Variants in ADAMTSL1 observed in about 807,000 individuals in gnomAD.
ADAMTSL1 encodes ADAMTS like 1.
ADAMTSL1 carries 126 observed loss-of-function variants against 201.8 expected under a neutral mutation model. That is an observed-to-expected ratio of 0.62 (90% confidence interval 0.54 to 0.72). The LOEUF (loss-of-function observed/expected upper bound fraction) is 0.72. ADAMTSL1 is among the 30% of genes least tolerant of loss of function. ADAMTSL1 has a pLI of 0.00. For missense variants in ADAMTSL1, 2,679 were observed against 2,277.8 expected, an observed-to-expected ratio of 1.18 and a Z score of -3.59; for synonymous variants, 1,121 against 903.4, an observed-to-expected ratio of 1.24 and a Z score of -4.32.
At chr9:18,308,757 A>G (rs1834004509) in intron 2 of ADAMTSL1, among the ~76,000 whole-genome samples, 1 of 152,194 alleles carries the variant, frequency 6.6e-6, no homozygotes, top group Non-Finnish European at 1.5e-5. Context: ...TACCAGAGGT[A>G]CAAAGAGGAG....
chr9:18,642,895 T>C (rs1259431507), intron 7 of ADAMTSL1, among the ~76,000 whole-genome samples: 1 of 151,972 alleles, frequency 6.6e-6, no homozygotes, highest in African/African-American at 2.4e-5. Context: ...AACACGAGAG[T>C]GTAGATATCT....
At chr9:18,178,161 G>A (rs1274655159) in intron 2 of ADAMTSL1, among the ~76,000 whole-genome samples, 5 of 152,340 alleles carry the variant, frequency 3.3e-5, no homozygotes, top group African/African-American at 1.2e-4. Flanking sequence ...GCAGGTCAGT[G>A]GGTGAGCGCA....
At chr9:18,174,487 G>A (rs962668371) in intron 2 of ADAMTSL1, among the ~76,000 whole-genome samples, 1 of 152,144 alleles carries the variant, frequency 6.6e-6, no homozygotes, top group African/African-American at 2.4e-5. Context: ...AGTCAGATAT[G>A]TGATACCTAA....
intron 2 of ADAMTSL1, among the ~76,000 whole-genome samples, chr9:18,178,179 C>A (rs868169146): frequency 9.9e-5 from 15 of 152,248 alleles, no homozygotes; most frequent in Admixed American, 2.0e-4. Context: ...GCACTGTGCG[C>A]GAGCCGAAGC....
intron 19 of ADAMTSL1, among the ~76,000 whole-genome samples, chr9:18,781,592 C>G (rs1412108997): frequency 1.3e-5 from 2 of 152,156 alleles, no homozygotes; most frequent in Non-Finnish European, 2.9e-5. Flanking sequence ...GGTGACCTTT[C>G]CTGTGTTGGG....
chr9:18,586,426 G>A (rs1438805635), intron 4 of ADAMTSL1, among the ~76,000 whole-genome samples: 5 of 151,846 alleles, frequency 3.3e-5, no homozygotes, highest in Non-Finnish European at 7.4e-5. Flanking sequence ...ACAAACCATT[G>A]CTCAAAAAAA....
At chr9:18,339,904 G>T (rs1474218708) in intron 2 of ADAMTSL1, among the ~76,000 whole-genome samples, 2 of 152,004 alleles carry the variant, frequency 1.3e-5, no homozygotes, top group Admixed American at 6.6e-5. Context: ...CCATATTCAG[G>T]TATCTTCAAA....
At chr9:18,657,149 C>T (rs1332952455) in intron 7 of ADAMTSL1, among the ~76,000 whole-genome samples, 8 of 152,208 alleles carry the variant, frequency 5.3e-5, no homozygotes, top group African/African-American at 1.7e-4. Context: ...ACTAAATGGA[C>T]AAGAAGCCCA....
At chr9:17,929,444 A>T (rs1296805738) in intron 1 of ADAMTSL1, among the ~76,000 whole-genome samples, 3 of 151,994 alleles carry the variant, frequency 2.0e-5, no homozygotes, top group Non-Finnish European at 4.4e-5. Flanking sequence ...CATGCTTCCG[A>T]ATAAGCTGGA....
At position 18,556,403 on chromosome 9, in the gene ADAMTSL1, T is replaced by G. The variant is rs572032674; in HGVS notation, c.238-17627T>G. Among the ~76,000 whole-genome samples, 16 of 152,156 alleles carry G rather than the reference T, an allele frequency of 1.1e-4. 1 individual carries two copies. In the South Asian group the frequency reaches 2.1e-3, roughly 20 times the overall value. On this transcript the variant is annotated intron_variant, in intron 3 of 28. Transcript: ENST00000380548. ...ATTGAGAGTGATTAAGTGGAAAGCT[T>G]TATTAATCATGCAAATCTTACTCTA... is the stretch of plus-strand genomic sequence containing the variant.
intron 2 of ADAMTSL1, among the ~76,000 whole-genome samples, chr9:18,435,711 C>T (rs531307189): frequency 1.3e-5 from 2 of 152,296 alleles, no homozygotes; most frequent in African/African-American, 4.8e-5. Flanking sequence ...CAAGATTGAG[C>T]AGGCCTCACA....
intron 1 of ADAMTSL1, among the ~76,000 whole-genome samples, chr9:17,936,731 A>T (rs201682287): frequency 1.3e-5 from 2 of 152,072 alleles, no homozygotes; most frequent in East Asian, 3.9e-4. Flanking sequence ...CTTGCTGCCA[A>T]ATATCTCCCC....
At chr9:18,594,190 C>A (rs774312879) in intron 4 of ADAMTSL1, among the ~76,000 whole-genome samples, 2 of 152,044 alleles carry the variant, frequency 1.3e-5, no homozygotes, top group African/African-American at 4.8e-5. Flanking sequence ...TATTTTCCCA[C>A]TCCTTCCTGG....
chr9:18,659,499 TCACG>T (rs1319343821), intron 8 of ADAMTSL1, among the ~76,000 whole-genome samples: 7 of 152,372 alleles, frequency 4.6e-5, no homozygotes, highest in African/African-American at 1.4e-4. Flanking sequence ...GTGCAGTGGC[TCACG>T]CCTGTAATCC....
intron 1 of ADAMTSL1, among the ~76,000 whole-genome samples, chr9:17,987,342 C>T (rs1014002482): frequency 6.6e-6 from 1 of 152,052 alleles, no homozygotes; most frequent in Admixed American, 6.6e-5. Flanking sequence ...GGATAGAGAA[C>T]AACAGATGTC....
At chr9:18,531,775 A>G (rs1819460799) in intron 2 of ADAMTSL1, among the ~76,000 whole-genome samples, 1 of 152,158 alleles carries the variant, frequency 6.6e-6, no homozygotes. Flanking sequence ...CAAACACATC[A>G]CAGAAGCTCT....
chr9:18,848,527 C>T (rs868348270), intron 23 of ADAMTSL1, among the ~76,000 whole-genome samples: 2 of 152,156 alleles, frequency 1.3e-5, no homozygotes, highest in Non-Finnish European at 2.9e-5. Flanking sequence ...GGCCTTGAGC[C>T]TCATGTAACT....
intron 3 of ADAMTSL1, among the ~76,000 whole-genome samples, chr9:18,556,114 C>A: frequency 6.6e-6 from 1 of 152,044 alleles, no homozygotes; most frequent in African/African-American, 2.4e-5. Context: ...TTTTCCTTTA[C>A]CGCCTTGCAC....
chr9:18,442,734 A>T lies in ADAMTSL1; in HGVS notation c.208-62095A>T, dbSNP rs958081213. Among the ~76,000 whole-genome samples, 17 of 152,196 alleles carry T rather than the reference A, an allele frequency of 1.1e-4. 1 individual carries two copies. The highest frequency in any genetic ancestry group is 4.1e-4 in the African/African-American group (17 of 41,452). ...CCTTACAGATTTTTCTTTTATCTTT[A>T]AACGTTTTAAGAAGACGGAGCTCCT... On this transcript the variant is annotated intron_variant, in intron 2 of 29. Transcript: ENST00000680146.
Sources: gnomAD v4.1 joint callset for allele counts (sites outside exome capture counted in the v4.1 genomes callset) on GRCh38, gnomAD v4.1.1 for gene constraint, MANE v1.5 for transcripts, NCBI Gene and HGNC (gene_info 2026-07-23, HGNC 2026-07-21) for gene names.